Variants in PTPRR observed in about 807,000 individuals in gnomAD.
PTPRR encodes protein tyrosine phosphatase receptor type R, also known as receptor-type tyrosine-protein phosphatase R.
Under a neutral mutation model 77.2 loss-of-function variants are expected in PTPRR, and 38 were observed. The observed-to-expected ratio is 0.49, with a 90% confidence interval of 0.38 to 0.65. The LOEUF (loss-of-function observed/expected upper bound fraction) is 0.65. PTPRR is among the 30% of genes least tolerant of loss of function. The pLI is 0.00. For synonymous variants in PTPRR, 299 were observed against 283.1 expected (o/e 1.06, Z -0.57); for missense variants, 744 against 799.2 (o/e 0.93, Z 0.83).
chr12:70,875,563 A>G (rs1199078373), intron 2 of PTPRR, among the ~76,000 whole-genome samples: 1 of 152,062 alleles, frequency 6.6e-6, no homozygotes, highest in Non-Finnish European at 1.5e-5. Context: ...GCAGAAGTTT[A>G]TCTACATATA....
At chr12:70,715,854 A>G (rs561776138) in intron 6 of PTPRR, among the ~76,000 whole-genome samples, 1 of 152,160 alleles carries the variant, frequency 6.6e-6, no homozygotes, top group Non-Finnish European at 1.5e-5. Flanking sequence ...CAATTATCAT[A>G]GGGTCCTGAG....
chr12:70,867,618 A>G lies in PTPRR; in HGVS notation c.357+25061T>C, dbSNP rs1211545465. On this transcript the variant is annotated intron_variant, in intron 2 of 13. Coordinates refer to ENST00000283228, the MANE Select transcript of PTPRR (RefSeq NM_002849.4). ...TGAAAATGGCCATACTGCCCAAGGTAATTTATAGATTCAATGCCATCCCCA... is the reference window on the plus strand; with the variant it reads ...TGAAAATGGCCATACTGCCCAAGGTGATTTATAGATTCAATGCCATCCCCA... Among the ~76,000 whole-genome samples the G allele has an allele frequency of 4.6e-4, 70 of 151,914 alleles. 1 individual carries two copies. The highest frequency in any genetic ancestry group is 7.4e-5 in the Non-Finnish European group (5 of 67,830).
chr12:70,870,107 G>A (rs1892934662), intron 2 of PTPRR, among the ~76,000 whole-genome samples: 1 of 152,036 alleles, frequency 6.6e-6, no homozygotes, highest in Admixed American at 6.6e-5. Context: ...CTATTAGAAG[G>A]CCCTCAGCCT....
At chr12:70,786,217 C>A (rs1891318924) in intron 2 of PTPRR, among the ~76,000 whole-genome samples, 2 of 152,166 alleles carry the variant, frequency 1.3e-5, no homozygotes, top group South Asian at 4.1e-4. Flanking sequence ...ATTCATGGAG[C>A]TTTTCTGAAA....
intron 4 of PTPRR, among the ~76,000 whole-genome samples, chr12:70,757,250 AC>A (rs1338648271): frequency 1.3e-5 from 2 of 152,198 alleles, no homozygotes; most frequent in Non-Finnish European, 2.9e-5. Flanking sequence ...AGCACATTGG[AC>A]TTTTATTTAA....
At chr12:70,882,183 A>T (rs1893160105) in intron 2 of PTPRR, among the ~76,000 whole-genome samples, 1 of 152,226 alleles carries the variant, frequency 6.6e-6, no homozygotes, top group African/African-American at 2.4e-5. Flanking sequence ...CCTGCGCAAG[A>T]GAAAGTGAAG....
intron 6 of PTPRR, among the ~76,000 whole-genome samples, chr12:70,736,298 T>C (rs901235644): frequency 2.0e-5 from 3 of 152,180 alleles, no homozygotes; most frequent in Non-Finnish European, 4.4e-5. Flanking sequence ...TGAAAAATAT[T>C]CTGAAAGCCA....
At chr12:70,797,128 C>T (rs1394162830) in intron 2 of PTPRR, among the ~76,000 whole-genome samples, 1 of 152,160 alleles carries the variant, frequency 6.6e-6, no homozygotes, top group Non-Finnish European at 1.5e-5. Context: ...CAAGCTCTCT[C>T]TTTGGATATA....
chr12:70,848,571 G>A (rs1419464491), intron 2 of PTPRR, among the ~76,000 whole-genome samples: 1 of 152,102 alleles, frequency 6.6e-6, no homozygotes, highest in Non-Finnish European at 1.5e-5. Context: ...TGATCTGTCC[G>A]CCTTGGCCTC....
intron 10 of PTPRR, among the ~76,000 whole-genome samples, chr12:70,677,769 C>T (rs575710169): frequency 1.2e-4 from 18 of 152,070 alleles, no homozygotes; most frequent in Non-Finnish European, 2.1e-4. Flanking sequence ...TTGATCATAG[C>T]GGATGATGTT....
chr12:70,802,774 A>T (rs11178433), intron 2 of PTPRR, among the ~76,000 whole-genome samples: 21,497 of 152,132 alleles, frequency 0.14, 2,012 homozygotes, highest in African/African-American at 0.26. Context: ...CTATATCTTG[A>T]GATGTAGCTT....
intron 6 of PTPRR, among the ~76,000 whole-genome samples, chr12:70,726,652 C>A (rs767610459): frequency 6.6e-6 from 1 of 151,184 alleles, no homozygotes; most frequent in Admixed American, 6.6e-5. Context: ...GTGATCATAG[C>A]TCACTGCAAC....
chr12:70,728,150 C>T (rs954129075), intron 6 of PTPRR, among the ~76,000 whole-genome samples: 4 of 150,820 alleles, frequency 2.7e-5, no homozygotes, highest in African/African-American at 4.9e-5. Context: ...GGTTGAGTAT[C>T]CCTGTATCCC....
At chr12:70,855,093 A>G (rs1310129941) in intron 2 of PTPRR, among the ~76,000 whole-genome samples, 1 of 152,148 alleles carries the variant, frequency 6.6e-6, no homozygotes, top group Non-Finnish European at 1.5e-5. Context: ...TCCAAACCAA[A>G]CACATCTGCT....
In PTPRR at chr12:70,656,708, C is replaced by T. The variant is rs202061700; in HGVS notation, c.1876G>A (p.Asp626Asn). ...ALSIVCQLRM[D>N]RGGMVQTSEQ... Reference sequence around the variant, plus strand: ...GCAAGCCTCTGTGACACTCACCTATCCATACGAAGCTGGCAGACAATGCTT... The same window carrying T: ...GCAAGCCTCTGTGACACTCACCTATTCATACGAAGCTGGCAGACAATGCTT... The change falls in exon 13 of 14, where the codon GAT (aspartate) becomes AAT (asparagine). Residue 626 changes from aspartate (D) to asparagine (N), a missense_variant. Physicochemically the swap from Asp to Asn is conservative, Grantham distance 23. Around this residue, in one of 3 missense-constraint regions of PTPRR, gnomAD observed 170 missense variants for 209.8 expected, o/e 0.81. Coordinates refer to ENST00000283228, the MANE Select transcript of PTPRR (RefSeq NM_002849.4). 2.0e-4 allele frequency: 318 copies of T among 1,610,274 alleles called. No individual in the cohort carries two copies. The highest frequency in any genetic ancestry group is 2.6e-4 in the Non-Finnish European group (305 of 1,176,706).
chr12:70,723,494 A>C (rs1404255129), intron 6 of PTPRR, among the ~76,000 whole-genome samples: 2 of 152,172 alleles, frequency 1.3e-5, no homozygotes, highest in Non-Finnish European at 2.9e-5. Flanking sequence ...TCATTTTTCC[A>C]AAGATAAAAT....
chr12:70,655,945 C>T (rs1886559312), intron 13 of PTPRR, among the ~76,000 whole-genome samples: 1 of 152,122 alleles, frequency 6.6e-6, no homozygotes, highest in Admixed American at 6.5e-5. Context: ...GATGCAGTGC[C>T]TTTCACCTGT....
chr12:70,855,990 C>G (rs998109466), intron 2 of PTPRR, among the ~76,000 whole-genome samples: 1 of 152,078 alleles, frequency 6.6e-6, no homozygotes, highest in Non-Finnish European at 1.5e-5. Context: ...TCACCCAAAA[C>G]CCACAGCATT....
At chr12:70,836,164 G>A (rs1049795094) in intron 2 of PTPRR, among the ~76,000 whole-genome samples, 3 of 152,024 alleles carry the variant, frequency 2.0e-5, no homozygotes, top group Non-Finnish European at 2.9e-5. Flanking sequence ...TAACCTCAGC[G>A]GTTTCTCATC....
Sources: allele counts gnomAD v4.1 joint callset (sites outside exome capture counted in the v4.1 genomes callset), GRCh38; gene constraint gnomAD v4.1.1; regional missense constraint gnomAD v4.1.1; transcripts MANE v1.5; gene names NCBI Gene and HGNC (gene_info 2026-07-23, HGNC 2026-07-21).